Variants in SLC26A7 observed in about 807,000 individuals in gnomAD.
SLC26A7 encodes anion exchange transporter.
In SLC26A7, 59 loss-of-function variants were observed where a neutral mutation model predicts 82.5. The observed-to-expected ratio is 0.72, with a 90% CI of 0.58 to 0.89. SLC26A7 has a LOEUF of 0.89. SLC26A7 is among the 40% of genes least tolerant of loss of function. The probability of loss-of-function intolerance (pLI) is 0.00; values close to 1 mark genes in which losing one functional copy is unlikely to be tolerated. For missense variants in SLC26A7, 820 were observed against 793.0 expected, an observed-to-expected ratio of 1.03 and a Z score of -0.41; for synonymous variants, 271 against 274.3, an observed-to-expected ratio of 0.99 and a Z score of 0.12.
intron 9 of SLC26A7, among the ~76,000 whole-genome samples, chr8:91,344,458 G>A (rs1348084588): frequency 6.6e-6 from 1 of 152,110 alleles, no homozygotes; most frequent in African/African-American, 2.4e-5. Flanking sequence ...CACTATTTGG[G>A]CTAACTCAAA....
intron 5 of SLC26A7, among the ~76,000 whole-genome samples, chr8:91,326,386 C>T (rs1338712451): frequency 6.6e-6 from 1 of 152,040 alleles, no homozygotes; most frequent in Non-Finnish European, 1.5e-5. Context: ...TCTTTTGAGG[C>T]CTCCCCGCTT....
chr8:91,257,189 A>T (rs1345032090), intron 2 of SLC26A7, among the ~76,000 whole-genome samples: 1 of 152,174 alleles, frequency 6.6e-6, no homozygotes, highest in African/African-American at 2.4e-5. Context: ...TACATAGAGT[A>T]GCTTAGGAGA....
At chr8:91,356,934 G>A (rs569945852) in intron 11 of SLC26A7, among the ~76,000 whole-genome samples, 41 of 152,248 alleles carry the variant, frequency 2.7e-4, no homozygotes, top group African/African-American at 8.4e-4. Flanking sequence ...AGAGCAGCCC[G>A]CAGTTCTTAT....
intron 1 of SLC26A7, among the ~76,000 whole-genome samples, chr8:91,211,361 G>C (rs549554284): frequency 6.6e-6 from 1 of 151,482 alleles, no homozygotes; most frequent in South Asian, 2.1e-4. Context: ...TAAATTTAAG[G>C]ATGCTTAAAA....
rs933071638 is a variant in SLC26A7 at position 91,218,822 on chromosome 8, A to G, written c.-149-68A>G. ...TGTTCTGAAACCTCTGAGAAAGCAA[A>G]TATTTATTTTAATGAAAAATACTTA... On this transcript the variant is annotated intron_variant, in intron 1 of 5. Transcript: ENST00000522862. 2.4e-5 allele frequency: 24 copies of G among 982,830 alleles called. No individual in the cohort carries two copies. The Middle Eastern group carries it at 1.3e-3, about 52-fold the overall frequency. The allele number at this position is 982,830 out of a possible 1,614,324, so 60.9% of individuals were successfully genotyped here.
At chr8:91,315,395 GT>G (rs1445312600) in intron 4 of SLC26A7, among the ~76,000 whole-genome samples, 2 of 148,568 alleles carry the variant, frequency 1.3e-5, no homozygotes, top group African/African-American at 5.0e-5. Flanking sequence ...TTGGTTCAAT[GT>G]TTTTCATAGC....
chr8:91,273,709 G>T (rs531314105), intron 2 of SLC26A7, among the ~76,000 whole-genome samples: 1 of 152,226 alleles, frequency 6.6e-6, no homozygotes, highest in South Asian at 2.1e-4. Flanking sequence ...ACTTGGAAAG[G>T]CCATCATTTG....
At chr8:91,344,274 G>T in intron 9 of SLC26A7, 1 of 892,048 alleles carries the variant, frequency 1.1e-6, no homozygotes, top group Non-Finnish European at 1.3e-6. Context: ...AACTTACCCA[G>T]GTCATAGAGG....
chr8:91,227,682 G>A (rs1328719712), intron 2 of SLC26A7, among the ~76,000 whole-genome samples: 1 of 152,070 alleles, frequency 6.6e-6, no homozygotes, highest in Non-Finnish European at 1.5e-5. Flanking sequence ...AAACCATTAT[G>A]TATATTAGCT....
chr8:91,353,587 A>G (rs932616811), intron 11 of SLC26A7, among the ~76,000 whole-genome samples: 3 of 152,162 alleles, frequency 2.0e-5, no homozygotes, highest in African/African-American at 7.2e-5. Context: ...ATGCAAGAGC[A>G]ATCCAGAATT....
At chr8:91,375,947 T>C (rs1357533413) in intron 15 of SLC26A7, among the ~76,000 whole-genome samples, 1 of 152,092 alleles carries the variant, frequency 6.6e-6, no homozygotes, top group Non-Finnish European at 1.5e-5. Flanking sequence ...AATATCTTTT[T>C]CTTTATTTTT....
chr8:91,266,350 A>G (rs539568653), intron 2 of SLC26A7, among the ~76,000 whole-genome samples: 1 of 152,058 alleles, frequency 6.6e-6, no homozygotes, highest in East Asian at 1.9e-4. Flanking sequence ...AATGATATTA[A>G]TTATTCCAAT....
chr8:91,319,375 A>C (rs966251972), intron 5 of SLC26A7, among the ~76,000 whole-genome samples: 2 of 152,166 alleles, frequency 1.3e-5, no homozygotes, highest in Non-Finnish European at 2.9e-5. Context: ...GGTTATGGCT[A>C]TTTTTTAAGT....
chr8:91,352,974 G>A lies in SLC26A7; in HGVS notation c.1292G>A (p.Trp431Ter), dbSNP rs778011920. 1.9e-6 allele frequency: 3 copies of A among 1,607,558 alleles called. No individual in the cohort carries two copies. The highest frequency in any genetic ancestry group is 1.1e-5 in the South Asian group (1 of 90,146). Reference sequence around the variant, plus strand: ...CAGTTCCGAGATTTAAAAAAATATTGGAATGTGGATAAAATCGATTGGGTA... The same window carrying A: ...CAGTTCCGAGATTTAAAAAAATATTAGAATGTGGATAAAATCGATTGGGTA... ...LIQFRDLKKY[W>*]NVDKIDWGIW... The change falls in exon 11 of 19, where the codon TGG (tryptophan) becomes TAG (stop). Residue 431 changes from tryptophan to a stop codon, truncating the protein, a stop_gained. Coordinates refer to ENST00000276609, the MANE Select transcript of SLC26A7 (RefSeq NM_052832.4). LOFTEE classifies it high-confidence loss of function.
intron 10 of SLC26A7, among the ~76,000 whole-genome samples, chr8:91,352,640 C>G (rs1320343631): frequency 6.6e-6 from 1 of 152,004 alleles, no homozygotes; most frequent in East Asian, 1.9e-4. Flanking sequence ...TTCACCCTTA[C>G]CATTTACTTA....
chr8:91,238,357 G>C (rs1810419645), intron 2 of SLC26A7, among the ~76,000 whole-genome samples: 1 of 151,898 alleles, frequency 6.6e-6, no homozygotes, highest in African/African-American at 2.4e-5. Context: ...GTTGTCATTT[G>C]ACAGTGCTCA....
At chr8:91,351,782 T>C in intron 9 of SLC26A7, 28 bp from the exon 10 acceptor site, 1 of 1,527,980 alleles carries the variant, frequency 6.5e-7, no homozygotes, top group African/African-American at 1.4e-5. Context: ...GCTTTCTTTT[T>C]CCTTTTTGTC....
chr8:91,363,634 T>G, intron 13 of SLC26A7, 96 bp downstream of exon 13: 1 of 680,456 alleles, frequency 1.5e-6, no homozygotes, highest in East Asian at 3.3e-5. Flanking sequence ...ATTATGATAG[T>G]TAAAAATATA....
At position 91,338,232 on chromosome 8, in the gene SLC26A7, G is replaced by A. The variant is rs1358935151; in HGVS notation, c.878G>A (p.Gly293Glu). The change falls in exon 7 of 19, where the codon GGA becomes GAA. Residue 293 changes from glycine to glutamate, a missense_variant and splice_region_variant. By Grantham distance (98) the Gly-to-Glu change is moderately conservative. Coordinates refer to ENST00000276609, the MANE Select transcript of SLC26A7 (RefSeq NM_052832.4). The part of the protein sequence containing the change: ...GLEVVGHIPQ[G>E]IPSPRAPPMN... ...GAAGTAGTTGGTCATATTCCACAAG[G>A]GTAATGTAGTCCTTTTTAAAAACAT... 6.3e-7 allele frequency: 1 copy of A among 1,593,186 alleles called. No homozygotes were observed.
Sources: allele counts gnomAD v4.1 joint callset (sites outside exome capture counted in the v4.1 genomes callset), GRCh38; gene constraint gnomAD v4.1.1; transcripts MANE v1.5; gene names NCBI Gene and HGNC (gene_info 2026-07-23, HGNC 2026-07-21).